The following RALGAPA1 variants were observed in gnomAD, a reference collection of about 807,000 sequenced individuals.
RALGAPA1 encodes the protein Ral GTPase activating protein catalytic subunit alpha 1, also known as ral GTPase-activating protein subunit alpha-1.
A neutral mutation model predicts 269.6 loss-of-function variants in RALGAPA1; 52 were observed. The observed-to-expected ratio is 0.19, with a 90% confidence interval of 0.15 to 0.24. The LOEUF is 0.24. Among genes scored for constraint, RALGAPA1 ranks in the 10% least tolerant of loss-of-function variants. The pLI, the probability that RALGAPA1 is intolerant of heterozygous loss-of-function variation, is 1.00. For missense variants in RALGAPA1, 1,917 were observed against 3,013.9 expected (o/e 0.64, Z 8.52); for synonymous variants, 817 against 1,008.3 (o/e 0.81, Z 3.60).
chr14:35,619,558 A>C (rs1197464707), intron 35 of RALGAPA1, among the ~76,000 whole-genome samples: 1 of 152,224 alleles, frequency 6.6e-6, no homozygotes, highest in Non-Finnish European at 1.5e-5. Context: ...CAATGAATCC[A>C]GGAGCTGGTT....
chr14:35,753,506 C>T (rs1016640798), intron 7 of RALGAPA1, among the ~76,000 whole-genome samples: 25 of 152,056 alleles, frequency 1.6e-4, no homozygotes, highest in African/African-American at 5.1e-4. Flanking sequence ...TATTATTCAC[C>T]GCAATAAAAA....
At position 35,541,040 on chromosome 14, in the gene RALGAPA1, ATTTTT is replaced by A. The variant is rs559979336; in HGVS notation, c.*24-1355_*24-1351del. Among the ~76,000 whole-genome samples, 124 of 89,174 alleles carry A rather than the reference ATTTTT, an allele frequency of 1.4e-3. 4 individuals carry two copies. Among genetic ancestry groups the A allele is most frequent in the South Asian group, 0.01 (24 of 2,400 alleles). 58.5% of individuals were successfully genotyped at this position (89,174 alleles called of 152,430 possible). A position where few individuals can be genotyped will look rare whatever the true frequency, so the allele number is the denominator to read the frequency against. Reference sequence around the variant, plus strand: ...GAATATGTCTTTGCAGAACACTTCAATTTTTTTTTTTTTTTTTTTTTTTTGAGACG... The same window carrying A: ...GAATATGTCTTTGCAGAACACTTCAATTTTTTTTTTTTTTTTTTTGAGACG... On this transcript the variant is annotated intron_variant, in intron 41 of 41. Transcript: ENST00000680220.
At chr14:35,746,703 G>A (rs1261403874) in intron 10 of RALGAPA1, among the ~76,000 whole-genome samples, 3 of 151,774 alleles carry the variant, frequency 2.0e-5, no homozygotes, top group African/African-American at 4.8e-5. Context: ...AAAATAAAGT[G>A]GCAAATATAT....
intron 14 of RALGAPA1, among the ~76,000 whole-genome samples, chr14:35,724,231 T>C (rs545248117): frequency 5.9e-5 from 9 of 152,246 alleles, no homozygotes; most frequent in African/African-American, 2.2e-4. Context: ...AAGAGGAGTT[T>C]AGATGATACA....
intron 4 of RALGAPA1, among the ~76,000 whole-genome samples, chr14:35,769,053 T>A (rs1394992437): frequency 4.2e-4 from 45 of 106,458 alleles, no homozygotes; most frequent in African/African-American, 1.6e-3. Flanking sequence ...TATATATATA[T>A]ATATATATAT....
At chr14:35,668,944 T>C (rs1044060472) in intron 26 of RALGAPA1, among the ~76,000 whole-genome samples, 1 of 152,202 alleles carries the variant, frequency 6.6e-6, no homozygotes, top group Non-Finnish European at 1.5e-5. Flanking sequence ...CTCTTACAGA[T>C]TAACTAGCTC....
rs1393114916 is a variant in RALGAPA1, at chr14:35,685,078, T to A, written c.4145A>T (p.Asn1382Ile). 3 of 1,585,508 alleles carry A rather than the reference T, an allele frequency of 1.9e-6. No homozygotes were observed. The African/African-American group carries it at 4.0e-5, about 21-fold the overall frequency. ...EIPKDLPDIL[N>I]KQNQMRPIDD... is the part of the protein sequence containing the mutation. ...AATAGGGCGCATCTGGTTCTGCTTG[T>A]TTAGAATATCAGGGAGGTCTTTGGG... Residue 1382 changes from asparagine (N) to isoleucine (I), a missense_variant, in exon 20 of 42, where the codon AAC (asparagine) becomes ATC (isoleucine). Coordinates refer to ENST00000680220, the MANE Select transcript of RALGAPA1 (RefSeq NM_001346249.2).
rs750660254 is a variant in RALGAPA1, at chr14:35,627,297, A to G, written c.6650T>C (p.Val2217Ala). The G allele has an allele frequency of 3.1e-6, 5 of 1,609,808 alleles. No individual in the cohort carries two copies. Among genetic ancestry groups the G allele is most frequent in the East Asian group, 2.2e-5 (1 of 44,856 alleles). ...ISLNIPAPQP[V>A]CISEKQENDV... Reference sequence around the variant, plus strand: ...ATTTTCTTGTTTTTCAGAAATGCACACAGGTTGTGGAGCAGGAATATTAAG... The same window carrying G: ...ATTTTCTTGTTTTTCAGAAATGCACGCAGGTTGTGGAGCAGGAATATTAAG... The change falls in exon 34 of 42, where the codon GTG becomes GCG. Residue 2217 changes from valine to alanine, a missense_variant. Physicochemically the swap from Val to Ala is moderately conservative, Grantham distance 64. Around this residue, in one of 11 missense-constraint regions of RALGAPA1, gnomAD observed 132 missense variants for 271.2 expected, o/e 0.49. Transcript: ENST00000680220.
chr14:35,756,980 C>CAATAA, intron 6 of RALGAPA1, 72 bp from the exon 7 acceptor site: 1 of 1,299,582 alleles, frequency 7.7e-7, no homozygotes, highest in South Asian at 2.3e-5. Flanking sequence ...ACCAAATAAA[C>CAATAA]TTTAACTGCA....
chr14:35,783,719 C>G (rs2075610931), intron 1 of RALGAPA1, among the ~76,000 whole-genome samples: 1 of 151,988 alleles, frequency 6.6e-6, no homozygotes, highest in Non-Finnish European at 1.5e-5. Context: ...TCTTATAATT[C>G]AATTGTAAAA....
chr14:35,653,943 A>G lies in RALGAPA1; in HGVS notation c.5607+424T>C, dbSNP rs529965922. Among the ~76,000 whole-genome samples the G allele has an allele frequency of 5.3e-5, 8 of 152,330 alleles. 1 individual carries two copies. The South Asian group carries it at 1.7e-3, about 32-fold the overall frequency. Reference sequence around the variant, plus strand: ...GGAATAAAGCAACATACATGTTTATAAAGACGATGACATAAGTTTACACAT... The same window carrying G: ...GGAATAAAGCAACATACATGTTTATGAAGACGATGACATAAGTTTACACAT... On this transcript the variant is annotated intron_variant, in intron 30 of 41. Coordinates refer to ENST00000680220, the MANE Select transcript of RALGAPA1 (RefSeq NM_001346249.2).
chr14:35,616,338 T>C (rs1230615452), intron 35 of RALGAPA1, among the ~76,000 whole-genome samples: 1 of 152,012 alleles, frequency 6.6e-6, no homozygotes, highest in Non-Finnish European at 1.5e-5. Context: ...ATTAGAGAAT[T>C]AGGAGTTGAA....
intron 31 of RALGAPA1, among the ~76,000 whole-genome samples, chr14:35,651,089 A>G (rs1348813977): frequency 6.6e-6 from 1 of 152,202 alleles, no homozygotes; most frequent in African/African-American, 2.4e-5. Flanking sequence ...AAAAATAGAC[A>G]TAATAACAGG....
At chr14:35,665,812 T>C (rs529185613) in intron 26 of RALGAPA1, among the ~76,000 whole-genome samples, 1 of 152,178 alleles carries the variant, frequency 6.6e-6, no homozygotes, top group African/African-American at 2.4e-5. Context: ...TATAGGTAGA[T>C]GAGGTAACTG....
In RALGAPA1 at chr14:35,625,377, A is replaced by G. The variant is rs906409128; in HGVS notation, c.6913T>C (p.Leu2305=). The change falls in exon 35 of 42, where the codon TTG becomes CTG. Residue 2305 remains leucine, a synonymous_variant. Coordinates refer to ENST00000680220, the MANE Select transcript of RALGAPA1 (RefSeq NM_001346249.2). The part of the protein sequence containing the change: ...NEKLLRELRN[L]DSRQCRETHK... ...ACAACTTACCACTGCCTTGAATCCA[A>G]GTTCCTAAGTTCTCTAAGTAGCTTT... The G allele has an allele frequency of 6.2e-7, 1 of 1,610,680 alleles. No individual in the cohort carries two copies. The highest frequency in any genetic ancestry group is 1.3e-5 in the African/African-American group (1 of 74,852).
intron 1 of RALGAPA1, among the ~76,000 whole-genome samples, chr14:35,803,501 G>C (rs2141948550): frequency 6.6e-6 from 1 of 152,168 alleles, no homozygotes; most frequent in African/African-American, 2.4e-5. Flanking sequence ...AACCATTTCT[G>C]CTTCTTCAAA....
intron 20 of RALGAPA1, 25 bp from the exon 21 acceptor site, chr14:35,684,010 T>C: frequency 6.3e-7 from 1 of 1,578,758 alleles, no homozygotes; most frequent in Non-Finnish European, 8.6e-7. Context: ...AATGTTATTA[T>C]ATGAGTCCCA....
chr14:35,579,088 CAT>C (rs1429240511), intron 37 of RALGAPA1, among the ~76,000 whole-genome samples: 2 of 152,150 alleles, frequency 1.3e-5, no homozygotes, highest in African/African-American at 4.8e-5. Flanking sequence ...GAGAAACTGT[CAT>C]GTGAGTTTAA....
intron 16 of RALGAPA1, among the ~76,000 whole-genome samples, chr14:35,713,364 C>T (rs1453783723): frequency 2.3e-4 from 35 of 152,186 alleles, no homozygotes. Context: ...AGACTTCTAG[C>T]TTGAGCAACT....
Sources: allele counts gnomAD v4.1 joint callset (sites outside exome capture counted in the v4.1 genomes callset), GRCh38; gene constraint gnomAD v4.1.1; regional missense constraint gnomAD v4.1.1; transcripts MANE v1.5; gene names NCBI Gene and HGNC (gene_info 2026-07-23, HGNC 2026-07-21).